PTPN12: variants seen among roughly 807,000 people sequenced by gnomAD.
The protein encoded by PTPN12 is tyrosine-protein phosphatase non-receptor type 12.
Under a neutral mutation model 97.6 loss-of-function variants are expected in PTPN12, and 29 were observed. The ratio of observed to expected loss-of-function variants is 0.30; its 90% CI spans 0.22 to 0.41. The LOEUF (loss-of-function observed/expected upper bound fraction) is 0.41. PTPN12 is among the 10% of genes least tolerant of loss of function. PTPN12 has a pLI of 1.00. For synonymous variants in PTPN12, 327 were observed against 300.4 expected, an observed-to-expected ratio of 1.09 and a Z score of -0.91; for missense variants, 819 against 926.0, an observed-to-expected ratio of 0.88 and a Z score of 1.50.
chr7:77,570,172 G>A (rs960443197), intron 1 of PTPN12, among the ~76,000 whole-genome samples: 38 of 152,134 alleles, frequency 2.5e-4, no homozygotes, highest in African/African-American at 9.2e-4. Context: ...CTCTAGTATT[G>A]TGATGATAAA....
chr7:77,588,899 A>C (rs1459698218), intron 5 of PTPN12, among the ~76,000 whole-genome samples: 1 of 152,126 alleles, frequency 6.6e-6, no homozygotes, highest in African/African-American at 2.4e-5. Context: ...GTGAGACAGA[A>C]TCCTGCTGTG....
chr7:77,636,163 C>T (rs920184310), intron 15 of PTPN12, among the ~76,000 whole-genome samples: 8 of 152,218 alleles, frequency 5.3e-5, no homozygotes, highest in African/African-American at 1.9e-4. Context: ...TTACTATTTT[C>T]AGGGTCCTAA....
chr7:77,557,933 G>A (rs764548652), intron 1 of PTPN12, among the ~76,000 whole-genome samples: 1 of 152,016 alleles, frequency 6.6e-6, no homozygotes, highest in Admixed American at 6.6e-5. Flanking sequence ...AATAGCGGCC[G>A]GGCGTGGTGG....
Position 77,631,684 on chromosome 7 carries a change from A to G in PTPN12, c.1997-664A>G, listed in dbSNP as rs532887614. Among the ~76,000 whole-genome samples, 108 of 152,334 alleles carry G rather than the reference A, an allele frequency of 7.1e-4. 1 individual carries two copies. Among genetic ancestry groups the G allele is most frequent in the Admixed American group, 1.4e-3 (21 of 15,302 alleles). On this transcript the variant is annotated intron_variant, in intron 13 of 17. Transcript: ENST00000248594. ...TTGTTTTTACTAGTGAAAAACCTGTATATAGCTTCAGTCAGCATTCTCAAA... is the reference window on the plus strand; with the variant it reads ...TTGTTTTTACTAGTGAAAAACCTGTGTATAGCTTCAGTCAGCATTCTCAAA...
chr7:77,582,242 G>A (rs764565210), intron 3 of PTPN12, among the ~76,000 whole-genome samples: 3 of 151,166 alleles, frequency 2.0e-5, no homozygotes, highest in African/African-American at 4.8e-5. Context: ...TGATCCACCC[G>A]CCTCTGCCTC....
intron 1 of PTPN12, among the ~76,000 whole-genome samples, chr7:77,554,149 G>T (rs1243635834): frequency 6.6e-6 from 1 of 151,946 alleles, no homozygotes; most frequent in Non-Finnish European, 1.5e-5. Flanking sequence ...TTTATTTTTT[G>T]TAGAGAGAAG....
intron 6 of PTPN12, 149 bp downstream of exon 6, chr7:77,592,405 ACTG>A: frequency 3.6e-6 from 2 of 559,280 alleles, no homozygotes; most frequent in Non-Finnish European, 5.9e-6. Flanking sequence ...TTGTTTATAT[ACTG>A]CTTTTAAATT....
chr7:77,615,515 G>A (rs938707852), intron 11 of PTPN12, among the ~76,000 whole-genome samples: 2 of 152,146 alleles, frequency 1.3e-5, no homozygotes, highest in African/African-American at 2.4e-5. Context: ...GGGATGCCAG[G>A]GCAGGAGAAT....
rs1449556273 is a variant in PTPN12 at position 77,581,507 on chromosome 7, T to G, written c.285+4T>G. ...TATCAATGCAAATTTTATAAAGGTA[T>G]GTACTAACTTTAAATGGTGTTTCTC... On this transcript the variant is annotated splice_donor_region_variant and intron_variant, in intron 3 of 17. Transcript: ENST00000248594. 1 of 1,519,470 alleles carries G rather than the reference T, an allele frequency of 6.6e-7. No individual in the cohort carries two copies. The highest frequency in any genetic ancestry group is 9.0e-7 in the Non-Finnish European group (1 of 1,107,700). The allele number at this position is 1,519,470 out of a possible 1,614,324, so 94.1% of individuals were successfully genotyped here. A position where few individuals can be genotyped will look rare whatever the true frequency, so the allele number is the denominator to read the frequency against.
intron 12 of PTPN12, among the ~76,000 whole-genome samples, chr7:77,626,362 G>T (rs536756839): frequency 6.6e-6 from 1 of 152,322 alleles, no homozygotes; most frequent in African/African-American, 2.4e-5. Flanking sequence ...AGTAGAAAAT[G>T]TGTGAAACAA....
chr7:77,596,217 T>G (rs1009999140), intron 6 of PTPN12, among the ~76,000 whole-genome samples: 1 of 152,060 alleles, frequency 6.6e-6, no homozygotes, highest in Non-Finnish European at 1.5e-5. Flanking sequence ...CAAAAGCAAA[T>G]TGATGTTTTT....
At chr7:77,585,515 T>G (rs1358443030) in intron 4 of PTPN12, 28 bp from the exon 5 acceptor site, 1 of 1,591,480 alleles carries the variant, frequency 6.3e-7, no homozygotes, top group Non-Finnish European at 8.6e-7. Flanking sequence ...ATACGTTCTT[T>G]ATCTCACTCC....
chr7:77,597,589 G>T (rs1016955720), intron 6 of PTPN12, among the ~76,000 whole-genome samples: 7 of 152,094 alleles, frequency 4.6e-5, no homozygotes, highest in African/African-American at 1.7e-4. Flanking sequence ...TATTAATGGG[G>T]TACATGTGAT....
At position 77,627,406 on chromosome 7, in the gene PTPN12, T is replaced by C. The variant is rs1457784801; in HGVS notation, c.1727T>C (p.Val576Ala). Residue 576 changes from valine (V) to alanine (A), a missense_variant, in exon 13 of 18, where the codon GTT (valine) becomes GCT (alanine). Physicochemically the swap from Val to Ala is moderately conservative, Grantham distance 64. Around this residue, in one of 5 missense-constraint regions of PTPN12, gnomAD observed 607 missense variants for 577.3 expected, o/e 1.05. Transcript: ENST00000248594. ...TTAACACCAAGTCCTACAACACAAG[T>C]TGAAACACCTGATCTTGTGGATCAT... is the stretch of plus-strand genomic sequence containing the variant. ...VSLTPSPTTQVETPDLVDHDN... is the reference protein window; with the variant it reads ...VSLTPSPTTQAETPDLVDHDN... 2 of 1,613,958 alleles carry C rather than the reference T, an allele frequency of 1.2e-6. No homozygotes were observed. Among genetic ancestry groups the C allele is most frequent in the Non-Finnish European group, 1.7e-6 (2 of 1,179,994 alleles).
At chr7:77,579,488 T>C (rs1406258145) in intron 2 of PTPN12, among the ~76,000 whole-genome samples, 2 of 152,202 alleles carry the variant, frequency 1.3e-5, no homozygotes, top group Non-Finnish European at 2.9e-5. Context: ...CACTGACTTG[T>C]ATAGTCTTGT....
chr7:77,538,037 C>G (rs1481791583), intron 1 of PTPN12: 3 of 1,007,382 alleles, frequency 3.0e-6, no homozygotes, highest in Non-Finnish European at 2.4e-6. Flanking sequence ...CCAGGAGGGT[C>G]GAGGCAAGGT....
intron 2 of PTPN12, among the ~76,000 whole-genome samples, chr7:77,574,828 G>A (rs1230258900): frequency 1.3e-5 from 2 of 151,866 alleles, no homozygotes; most frequent in Admixed American, 6.6e-5. Context: ...ATTTTGACTT[G>A]GGATTTTTTT....
chr7:77,537,428 G>T lies in PTPN12; in HGVS notation c.-119G>T. 1 of 1,362,218 alleles carries T rather than the reference G, an allele frequency of 7.3e-7. No homozygotes were observed. Among genetic ancestry groups the T allele is most frequent in the Non-Finnish European group, 9.6e-7 (1 of 1,046,468 alleles). 84.4% of individuals were successfully genotyped at this position (1,362,218 alleles called of 1,614,324 possible). A position where few individuals can be genotyped will look rare whatever the true frequency, so the allele number is the denominator to read the frequency against. On this transcript the variant is annotated 5_prime_UTR_variant, in exon 1 of 18. Coordinates refer to ENST00000248594, the MANE Select transcript of PTPN12 (RefSeq NM_002835.4). Reference sequence around the variant, plus strand: ...GGAGGAGGAGGGAGCCGCGGGGCTTGGCGGGGTCGGGAGGGAGGGACGTGC... The same window carrying T: ...GGAGGAGGAGGGAGCCGCGGGGCTTTGCGGGGTCGGGAGGGAGGGACGTGC...
chr7:77,603,219 G>A (rs776344377), intron 8 of PTPN12, among the ~76,000 whole-genome samples: 8 of 152,110 alleles, frequency 5.3e-5, no homozygotes, highest in Non-Finnish European at 1.0e-4. Context: ...TAAAGAAATT[G>A]CTTTCACTTT....
Sources: gnomAD v4.1 joint callset for allele counts (sites outside exome capture counted in the v4.1 genomes callset) on GRCh38, gnomAD v4.1.1 for gene constraint, gnomAD v4.1.1 regional missense constraint, MANE v1.5 for transcripts, NCBI Gene and HGNC (gene_info 2026-07-23, HGNC 2026-07-21) for gene names.